Variants in ZFAND3 observed in about 807,000 individuals in gnomAD.
ZFAND3 encodes the protein AN1-type zinc finger protein 3.
In ZFAND3, 10 loss-of-function variants were observed where a neutral mutation model predicts 29.6. The ratio of observed to expected loss-of-function variants is 0.34; its 90% CI spans 0.21 to 0.57. The LOEUF is 0.57. ZFAND3 is among the 20% of genes least tolerant of loss of function. The pLI is 0.86. For missense variants in ZFAND3, 230 were observed against 304.5 expected (o/e 0.76, Z 1.82); for synonymous variants, 128 against 112.6 (o/e 1.14, Z -0.87).
intron 1 of ZFAND3, among the ~76,000 whole-genome samples, chr6:37,915,248 T>C (rs1761225633): frequency 6.6e-6 from 1 of 152,226 alleles, no homozygotes; most frequent in Non-Finnish European, 1.5e-5. Context: ...GATTAGGATT[T>C]GGTTTAAGGG....
intron 2 of ZFAND3, among the ~76,000 whole-genome samples, chr6:37,931,354 A>G (rs1303341665): frequency 6.6e-6 from 1 of 152,060 alleles, no homozygotes; most frequent in African/African-American, 2.4e-5. Flanking sequence ...GGGTCATCCT[A>G]GGGAGGTAAC....
chr6:37,958,821 A>G (rs1762147372), intron 2 of ZFAND3, among the ~76,000 whole-genome samples: 1 of 151,626 alleles, frequency 6.6e-6, no homozygotes, highest in Non-Finnish European at 1.5e-5. Flanking sequence ...CCATAGGGAT[A>G]GACGTGAATT....
At chr6:37,870,241 G>A (rs1764667066) in intron 1 of ZFAND3, among the ~76,000 whole-genome samples, 2 of 139,592 alleles carry the variant, frequency 1.4e-5, no homozygotes, top group African/African-American at 2.7e-5. Context: ...CCTACAGTGA[G>A]CTGTGATTGT....
intron 1 of ZFAND3, among the ~76,000 whole-genome samples, chr6:37,885,630 C>T (rs1296829595): frequency 2.0e-5 from 3 of 152,094 alleles, no homozygotes; most frequent in African/African-American, 7.2e-5. Flanking sequence ...GCTGACAGAG[C>T]AAGACTCTGT....
At chr6:37,935,763 G>C (rs1372830413) in intron 2 of ZFAND3, among the ~76,000 whole-genome samples, 2 of 152,152 alleles carry the variant, frequency 1.3e-5, no homozygotes, top group Non-Finnish European at 2.9e-5. Flanking sequence ...AATCTAATTT[G>C]CTTTGTAAAA....
At chr6:37,870,618 A>G (rs1314519771) in intron 1 of ZFAND3, among the ~76,000 whole-genome samples, 4 of 151,196 alleles carry the variant, frequency 2.6e-5, no homozygotes, top group Admixed American at 2.0e-4. Context: ...AAAAAAAAAA[A>G]GAGCACTTAA....
At chr6:38,121,517 A>G (rs1193865805) in intron 5 of ZFAND3, among the ~76,000 whole-genome samples, 2 of 152,236 alleles carry the variant, frequency 1.3e-5, no homozygotes, top group African/African-American at 4.8e-5. Context: ...TTCCCATGGA[A>G]TGTTTTCACA....
chr6:38,114,641 C>A (rs55768253), intron 4 of ZFAND3, among the ~76,000 whole-genome samples: 9,983 of 152,164 alleles, frequency 0.066, 446 homozygotes, highest in Middle Eastern at 0.11. Flanking sequence ...GGACTATGAG[C>A]AAACTACCAG....
At chr6:37,872,139 G>C (rs955943427) in intron 1 of ZFAND3, among the ~76,000 whole-genome samples, 2 of 152,178 alleles carry the variant, frequency 1.3e-5, no homozygotes, top group African/African-American at 4.8e-5. Context: ...ATCTCAGTAA[G>C]ACAGTAGTTT....
At chr6:37,840,010 CTT>C (rs1232815463) in intron 1 of ZFAND3, among the ~76,000 whole-genome samples, 1 of 151,982 alleles carries the variant, frequency 6.6e-6, no homozygotes, top group Non-Finnish European at 1.5e-5. Context: ...TCTGAGAAAA[CTT>C]TACCTAATTC....
chr6:38,122,255 C>T (rs971493129), intron 5 of ZFAND3, among the ~76,000 whole-genome samples: 1 of 152,132 alleles, frequency 6.6e-6, no homozygotes, highest in African/African-American at 2.4e-5. Flanking sequence ...TACGTACATC[C>T]TCTCATATAC....
chr6:37,986,145 A>G (rs1312215672), intron 2 of ZFAND3, among the ~76,000 whole-genome samples: 1 of 151,792 alleles, frequency 6.6e-6, no homozygotes, highest in African/African-American at 2.4e-5. Flanking sequence ...TTTACAAAAT[A>G]TAATTTTTTT....
chr6:38,109,196 T>G (rs1321778452), intron 4 of ZFAND3, among the ~76,000 whole-genome samples: 1 of 150,540 alleles, frequency 6.6e-6, no homozygotes, highest in Admixed American at 6.6e-5. Context: ...TTTTTTTTTT[T>G]TCTTGAGACA....
At chr6:37,961,216 G>C (rs1169303807) in intron 2 of ZFAND3, among the ~76,000 whole-genome samples, 1 of 152,216 alleles carries the variant, frequency 6.6e-6, no homozygotes, top group Non-Finnish European at 1.5e-5. Context: ...TAGTTGGGCA[G>C]TACTCCCTGT....
chr6:37,963,340 C>T (rs534324415), intron 2 of ZFAND3, among the ~76,000 whole-genome samples: 1 of 152,184 alleles, frequency 6.6e-6, no homozygotes, highest in East Asian at 1.9e-4. Flanking sequence ...TGGGATATAG[C>T]GAAAGCAGTA....
chr6:37,918,951 C>CTTTTTGTTTTTT (rs1761319081), intron 1 of ZFAND3, among the ~76,000 whole-genome samples: 1 of 104,738 alleles, frequency 9.5e-6, no homozygotes, highest in Non-Finnish European at 1.8e-5. Flanking sequence ...TGAAAAATGC[C>CTTTTTGTTTTTT]TTTTTTTTTT....
At chr6:38,138,709 A>G (rs1457763271) in intron 5 of ZFAND3, among the ~76,000 whole-genome samples, 3 of 152,374 alleles carry the variant, frequency 2.0e-5, no homozygotes, top group South Asian at 2.1e-4. Flanking sequence ...GAGAGGAATC[A>G]AGAATTGAGC....
At chr6:37,875,967 T>A (rs1764786601) in intron 1 of ZFAND3, among the ~76,000 whole-genome samples, 1 of 152,106 alleles carries the variant, frequency 6.6e-6, no homozygotes, top group Non-Finnish European at 1.5e-5. Context: ...GTAATTTGCT[T>A]TATAATATGT....
At chr6:38,031,121 C>G (rs535160874) in intron 2 of ZFAND3, among the ~76,000 whole-genome samples, 7 of 152,292 alleles carry the variant, frequency 4.6e-5, no homozygotes, top group African/African-American at 1.7e-4. Context: ...CCAGGTCTTT[C>G]TGTATCCAAG....
Sources: allele counts gnomAD v4.1 joint callset (sites outside exome capture counted in the v4.1 genomes callset), GRCh38; gene constraint gnomAD v4.1.1; transcripts MANE v1.5; gene names NCBI Gene and HGNC (gene_info 2026-07-23, HGNC 2026-07-21).